TMIGD3: variants seen among roughly 807,000 people sequenced by gnomAD.
The protein encoded by TMIGD3 is transmembrane and immunoglobulin domain containing 3, also known as AD026 protein (AD026).
TMIGD3 carries 21 observed loss-of-function variants against 28.1 expected under a neutral mutation model. The observed-to-expected ratio is 0.75, with a 90% confidence interval of 0.53 to 1.08. The LOEUF (loss-of-function observed/expected upper bound fraction) is 1.08, where lower values mean the gene tolerates loss of function less well. Ranked by LOEUF, TMIGD3 falls within the 50% of genes least tolerant of loss-of-function variation. TMIGD3 has a pLI of 0.00. For missense variants in TMIGD3, 416 were observed against 435.6 expected (o/e 0.96, Z 0.40); for synonymous variants, 151 against 162.1 (o/e 0.93, Z 0.52).
intron 1 of TMIGD3, among the ~76,000 whole-genome samples, chr1:111,553,592 A>C (rs1022213622): frequency 1.3e-5 from 2 of 152,208 alleles, no homozygotes; most frequent in African/African-American, 2.4e-5. Context: ...TACTGGTTAC[A>C]TCTAAATTTC....
At chr1:111,542,224 C>T (rs1355859239) in intron 1 of TMIGD3, 2 of 600,866 alleles carry the variant, frequency 3.3e-6, no homozygotes, top group East Asian at 4.6e-5. Flanking sequence ...AGACATCCTT[C>T]GCGTACTGAC....
intron 1 of TMIGD3, among the ~76,000 whole-genome samples, chr1:111,499,093 AAAAAAAAAG>A (rs1359326786): frequency 1.4e-5 from 2 of 141,318 alleles, no homozygotes; most frequent in Non-Finnish European, 3.0e-5. Context: ...CTTGTCTCAA[AAAAAAAAAG>A]AAAAAAAAGA....
chr1:111,505,484 T>C (rs1655455274), upstream of TMIGD3, among the ~76,000 whole-genome samples: 1 of 152,224 alleles, frequency 6.6e-6, no homozygotes. Flanking sequence ...TCCTTCATGT[T>C]CTCTGAATAG....
At chr1:111,494,647 A>G (rs575273414) in intron 1 of TMIGD3, among the ~76,000 whole-genome samples, 152 of 152,200 alleles carry the variant, frequency 1.0e-3, no homozygotes, top group African/African-American at 3.3e-3. Flanking sequence ...CAAACTACCA[A>G]TGAAATTGAT....
intron 1 of TMIGD3, among the ~76,000 whole-genome samples, chr1:111,551,722 T>G (rs1458666446): frequency 6.6e-6 from 1 of 151,096 alleles, no homozygotes; most frequent in Non-Finnish European, 1.5e-5. Flanking sequence ...GCAGTGGTTT[T>G]TTGGTTTTGT....
Position 111,530,738 on chromosome 1 carries a change from T to G in TMIGD3, c.107+33108A>C, listed in dbSNP as rs555314847. Among the ~76,000 whole-genome samples, 11 of 152,358 alleles carry G rather than the reference T, an allele frequency of 7.2e-5. No individual in the cohort carries two copies. The South Asian group carries it at 2.3e-3, about 32-fold the overall frequency. On this transcript the variant is annotated intron_variant, in intron 1 of 5. Transcript: ENST00000369717. ...GTAGGGGTTTTTTTTCTGAATGTTT[T>G]TAAGATTTTATCTTTATCTCTGCTT...
intron 1 of TMIGD3, among the ~76,000 whole-genome samples, chr1:111,509,245 GCACCTGTCAACCTCTGA>G (rs1290060440): frequency 6.6e-6 from 1 of 152,146 alleles, no homozygotes; most frequent in Non-Finnish European, 1.5e-5. Context: ...CCTTCCCTTG[GCACCTGTCAACCTCTGA>G]CCTATCCTTC....
At chr1:111,497,149 C>T (rs993379669) in intron 1 of TMIGD3, among the ~76,000 whole-genome samples, 13 of 152,128 alleles carry the variant, frequency 8.5e-5, no homozygotes, top group East Asian at 1.9e-4. Context: ...GTCGTTCTGT[C>T]GCCCAGGCTG....
chr1:111,485,583 A>G, intron 5 of TMIGD3, 157 bp downstream of exon 5: 1 of 583,612 alleles, frequency 1.7e-6, no homozygotes, highest in Non-Finnish European at 3.0e-6. Flanking sequence ...TGTCACCATC[A>G]AGCAGATATC....
intron 1 of TMIGD3, among the ~76,000 whole-genome samples, chr1:111,534,405 C>A (rs1410208889): frequency 6.6e-6 from 1 of 152,170 alleles, no homozygotes; most frequent in African/African-American, 2.4e-5. Context: ...GAGGAGAGGT[C>A]AGAACTGGTG....
chr1:111,493,298 G>A (rs1654751172), intron 1 of TMIGD3, among the ~76,000 whole-genome samples: 2 of 152,132 alleles, frequency 1.3e-5, no homozygotes, highest in African/African-American at 4.8e-5. Flanking sequence ...ATGTCTTGGT[G>A]CCATCATTGT....
At chr1:111,502,593 G>A (rs570433105) in intron 1 of TMIGD3, among the ~76,000 whole-genome samples, 1 of 149,426 alleles carries the variant, frequency 6.7e-6, no homozygotes, top group Admixed American at 6.8e-5. Context: ...CAAAACAACA[G>A]AACCATCAGT....
At chr1:111,518,875 A>G (rs1286714213) in intron 1 of TMIGD3, among the ~76,000 whole-genome samples, 1 of 152,234 alleles carries the variant, frequency 6.6e-6, no homozygotes, top group Non-Finnish European at 1.5e-5. Context: ...AGCCAAATCA[A>G]CTGTGACCTA....
intron 1 of TMIGD3, among the ~76,000 whole-genome samples, chr1:111,495,082 C>G (rs1654829281): frequency 6.6e-6 from 1 of 152,174 alleles, no homozygotes; most frequent in African/African-American, 2.4e-5. Flanking sequence ...GACATAGGAA[C>G]TGGCAAAGAT....
At chr1:111,495,671 A>G (rs1020459631) in intron 1 of TMIGD3, among the ~76,000 whole-genome samples, 2 of 152,242 alleles carry the variant, frequency 1.3e-5, no homozygotes, top group African/African-American at 4.8e-5. Context: ...ATTACTGGGT[A>G]TATACCCAAA....
chr1:111,526,067 C>T (rs1458074958), intron 1 of TMIGD3, among the ~76,000 whole-genome samples: 2 of 151,470 alleles, frequency 1.3e-5, no homozygotes, highest in East Asian at 3.9e-4. Flanking sequence ...TTTATGCATT[C>T]TTTTGAATTA....
At chr1:111,485,940 C>T in intron 4 of TMIGD3, 100 bp from the exon 5 acceptor site, 1 of 882,442 alleles carries the variant, frequency 1.1e-6, no homozygotes, top group Non-Finnish European at 1.8e-6. Context: ...CCTGCCCACC[C>T]CCCAACCCAG....
At chr1:111,492,813 CA>C (rs34093957) in intron 1 of TMIGD3, among the ~76,000 whole-genome samples, 64,507 of 103,270 alleles carry the variant, frequency 0.62, 18,290 homozygotes, top group Admixed American at 0.73. Context: ...GATGCTGTCT[CA>C]AAAAAAAAAA....
intron 1 of TMIGD3, among the ~76,000 whole-genome samples, chr1:111,534,337 C>T (rs1471908573): frequency 1.3e-5 from 2 of 152,074 alleles, no homozygotes; most frequent in Non-Finnish European, 2.9e-5. Flanking sequence ...GACAGCATAT[C>T]ACAAAACATG....
Sources: allele counts gnomAD v4.1 joint callset (sites outside exome capture counted in the v4.1 genomes callset), GRCh38; gene constraint gnomAD v4.1.1; transcripts MANE v1.5; gene names NCBI Gene and HGNC (gene_info 2026-07-23, HGNC 2026-07-21).